FAM136A: variants seen among roughly 807,000 people sequenced by gnomAD.
FAM136A encodes TIM double twin CX3C motif protein.
Under a neutral mutation model 21.6 loss-of-function variants are expected in FAM136A, and 25 were observed. The observed-to-expected ratio is 1.16, with a 90% CI of 0.84 to 1.62. The LOEUF (loss-of-function observed/expected upper bound fraction) is 1.62. FAM136A is among the 40% of genes most tolerant of loss of function. FAM136A has a pLI of 0.00. For synonymous variants in FAM136A, 119 were observed against 129.4 expected (o/e 0.92, Z 0.55); for missense variants, 338 against 332.0 (o/e 1.02, Z -0.14).
At chr2:70,298,256 C>T (rs1697307876) in intron 2 of FAM136A, among the ~76,000 whole-genome samples, 3 of 152,072 alleles carry the variant, frequency 2.0e-5, no homozygotes, top group Admixed American at 2.0e-4. Flanking sequence ...CCATGCCTGG[C>T]TAACTTTTTT....
Position 70,297,413 on chromosome 2 carries a change from C to A in FAM136A, c.614G>T (p.Ser205Ile), listed in dbSNP as rs138779159. 6.2e-7 allele frequency: 1 copy of A among 1,614,026 alleles called. No individual in the cohort carries two copies. The highest frequency in any genetic ancestry group is 8.5e-7 in the Non-Finnish European group (1 of 1,179,908). Residue 205 changes from serine (S) to isoleucine (I), a missense_variant, in exon 3 of 3, where the codon AGT (serine) becomes ATT (isoleucine). Coordinates refer to ENST00000430566, the MANE Select transcript of FAM136A (RefSeq NM_001329752.2). ...CTGCTGCTTCACCTGAAGCTCCTTACTCCCAGCATCTATTGAATCTTTGGC... is the reference window on the plus strand; with the variant it reads ...CTGCTGCTTCACCTGAAGCTCCTTAATCCCAGCATCTATTGAATCTTTGGC... ...DKAKDSIDAG[S>I]KELQVKQQLD...
Position 70,301,594 on chromosome 2 carries a change from G to T in FAM136A, c.408+10C>A. On this transcript the variant is annotated intron_variant, in intron 1 of 2. Transcript: ENST00000430566. ...TTGGCAGCGCCTCTGCTGGGCCTCG[G>T]GCCGCTCACCTGCGGAAGGGGCCGC... is the stretch of plus-strand genomic sequence containing the variant. The T allele has an allele frequency of 6.5e-7, 1 of 1,535,930 alleles. No individual in the cohort carries two copies. The highest frequency in any genetic ancestry group is 1.2e-5 in the South Asian group (1 of 84,062).
chr2:70,297,611 GA>G (rs1377743560), intron 2 of FAM136A, 134 bp from the exon 3 acceptor site: 6 of 489,736 alleles, frequency 1.2e-5, no homozygotes, highest in Non-Finnish European at 2.0e-5. Flanking sequence ...ATGGTAGTGT[GA>G]TTGGCCAAGT....
In FAM136A at chr2:70,301,627, G is replaced by C. The variant is rs566955361; in HGVS notation, c.385C>G (p.Pro129Ala). Residue 129 changes from proline (P) to alanine (A), a missense_variant, in exon 1 of 3, where the codon CCT (proline) becomes GCT (alanine). Pro to Ala is a conservative substitution (Grantham distance 27). Coordinates refer to ENST00000430566, the MANE Select transcript of FAM136A (RefSeq NM_001329752.2). ...WWQALAPPPS[P>A]LTRPLPQGLM... is the part of the protein sequence containing the mutation. ...ACCTGCGGAAGGGGCCGCGTAAGAG[G>C]GGAAGGTGGTGGGGCGAGCGCCTGC... The C allele has an allele frequency of 2.2e-4, 333 of 1,535,912 alleles. No individual in the cohort carries two copies. The African/African-American group carries it at 4.1e-3, about 19-fold the overall frequency.
rs141519377 is a variant in FAM136A, at chr2:70,298,860, A to C, written c.550-1383T>G. 2.6e-5 allele frequency among the ~76,000 whole-genome samples: 4 copies of C among 152,328 alleles called. 1 individual carries two copies. The East Asian group carries it at 7.7e-4, about 29-fold the overall frequency. ...ATAAAGTGCTTTAAGAAGGAGAGGG[A>C]TCCACTGTGTCAATGATGCAGACAG... is the stretch of plus-strand genomic sequence containing the variant. On this transcript the variant is annotated intron_variant, in intron 2 of 2. Transcript: ENST00000430566.
chr2:70,301,248 G>T, intron 1 of FAM136A: 1 of 955,604 alleles, frequency 1.0e-6, no homozygotes, highest in Non-Finnish European at 1.5e-6. Context: ...AGGTTCGCCC[G>T]AGTGGGTGAG....
At chr2:70,301,117 T>A (rs900862806) in intron 1 of FAM136A, 137 bp from the exon 2 acceptor site, 2 of 1,073,610 alleles carry the variant, frequency 1.9e-6, no homozygotes, top group Admixed American at 2.8e-5. Flanking sequence ...TCCCTGAGAA[T>A]AGACACCAGG....
At position 70,302,039 on chromosome 2, in the gene FAM136A, C is replaced by T. The variant is rs892738205; in HGVS notation, c.-28G>A. 4.5e-6 allele frequency: 7 copies of T among 1,549,876 alleles called. No individual in the cohort carries two copies. The highest frequency in any genetic ancestry group is 6.1e-6 in the Non-Finnish European group (7 of 1,154,310). ...CGACCCCGCGCTGCCCCGCGGCGCT[C>T]CGCGCCGGCGCCCATATGGAATCGG... On this transcript the variant is annotated 5_prime_UTR_variant, in exon 1 of 3. Transcript: ENST00000430566.
rs1471928059 is a variant in FAM136A, at chr2:70,297,620, A to ATTT, written c.550-144_550-143insAAA. ...AGGGACATGGTAGTGTGATTGGCCA[A>ATTT]GTTTTTTTTTTTTTTTTTTTTTTTG... On this transcript the variant is annotated intron_variant, in intron 2 of 2. Coordinates refer to ENST00000430566, the MANE Select transcript of FAM136A (RefSeq NM_001329752.2). 7.0e-4 allele frequency: 282 copies of ATTT among 405,410 alleles called. 1 individual carries two copies. The highest frequency in any genetic ancestry group is 4.9e-3 in the African/African-American group (172 of 35,410). 25.1% of individuals were successfully genotyped at this position (405,410 alleles called of 1,614,324 possible).
chr2:70,298,080 T>C (rs1697302230), intron 2 of FAM136A, among the ~76,000 whole-genome samples: 1 of 151,934 alleles, frequency 6.6e-6, no homozygotes, highest in Non-Finnish European at 1.5e-5. Flanking sequence ...TTGTAAGATG[T>C]ACAAACATCT....
chr2:70,297,438 C>T lies in FAM136A; in HGVS notation c.589G>A (p.Ala197Thr). Residue 197 changes from alanine to threonine, a missense_variant, in exon 3 of 3, where the codon GCC becomes ACC. Physicochemically the swap from Ala to Thr is moderately conservative, Grantham distance 58. Transcript: ENST00000430566. ...ARCTMHCNDKAKDSIDAGSKE... is the reference protein window; with the variant it reads ...ARCTMHCNDKTKDSIDAGSKE... The stretch of plus-strand genomic sequence containing the variant: ...CTCCCAGCATCTATTGAATCTTTGG[C>T]TTTGTCGTTGCAATGCATGGTGCAC... The T allele has an allele frequency of 6.2e-7, 1 of 1,613,994 alleles. No homozygotes were observed. The highest frequency in any genetic ancestry group is 8.5e-7 in the Non-Finnish European group (1 of 1,179,918).
At chr2:70,299,252 C>T (rs1697330821) in intron 2 of FAM136A, among the ~76,000 whole-genome samples, 2 of 152,186 alleles carry the variant, frequency 1.3e-5, no homozygotes, top group South Asian at 4.1e-4. Context: ...CTTGCTTCCC[C>T]CAGGTTCCAG....
At chr2:70,300,610 C>A (rs1021690439) in intron 2 of FAM136A, 1 of 375,408 alleles carries the variant, frequency 2.7e-6, no homozygotes, top group Non-Finnish European at 4.9e-6. Flanking sequence ...CAGGCATGAG[C>A]CTCCGCGCTC....
Position 70,302,021 on chromosome 2 carries a change from G to T in FAM136A, c.-10C>A. On this transcript the variant is annotated 5_prime_UTR_variant, in exon 1 of 3. Transcript: ENST00000430566. ...GCTGCAGCTCAGCCATGGCGACCCC[G>T]CGCTGCCCCGCGGCGCTCCGCGCCG... The T allele has an allele frequency of 6.3e-7, 1 of 1,578,418 alleles. No homozygotes were observed. The highest frequency in any genetic ancestry group is 1.1e-5 in the South Asian group (1 of 87,536).
chr2:70,301,790 C>G lies in FAM136A; in HGVS notation c.222G>C (p.Arg74=). Residue 74 remains arginine, a synonymous_variant, in exon 1 of 3, where the codon CGG becomes CGC. Coordinates refer to ENST00000430566, the MANE Select transcript of FAM136A (RefSeq NM_001329752.2). ...TTCCGAAGTCCTGTCCGAGGCCGCC[C>G]CGGCGACCCCAGGGCCGCCCACACC... The part of the protein sequence containing the change: ...QTGCGRPWGR[R]GGLGQDFGSF... The G allele has an allele frequency of 6.5e-7, 1 of 1,547,236 alleles. No homozygotes were observed. The highest frequency in any genetic ancestry group is 8.7e-7 in the Non-Finnish European group (1 of 1,145,844).
chr2:70,301,797 C>T lies in FAM136A; in HGVS notation c.215G>A (p.Gly72Asp). 1.3e-6 allele frequency: 2 copies of T among 1,547,734 alleles called. No homozygotes were observed. The highest frequency in any genetic ancestry group is 1.7e-6 in the Non-Finnish European group (2 of 1,145,728). Residue 72 changes from glycine to aspartate, a missense_variant, in exon 1 of 3, where the codon GGT becomes GAT. Transcript: ENST00000430566. ...GTCCTGTCCGAGGCCGCCCCGGCGACCCCAGGGCCGCCCACACCCGGTCTG... is the reference window on the plus strand; with the variant it reads ...GTCCTGTCCGAGGCCGCCCCGGCGATCCCAGGGCCGCCCACACCCGGTCTG... ...SPQTGCGRPW[G>D]RRGGLGQDFG...
rs1458117423 is a variant in FAM136A at position 70,301,605 on chromosome 2, T to A, written c.407A>T (p.Gln136Leu). 2.0e-5 allele frequency: 31 copies of A among 1,535,844 alleles called. No homozygotes were observed. The highest frequency in any genetic ancestry group is 2.7e-5 in the African/African-American group (2 of 73,046). ...PPSPLTRPLP[Q>L]GLMFRCSASC... is the part of the protein sequence containing the mutation. ...TCTGCTGGGCCTCGGGCCGCTCACC[T>A]GCGGAAGGGGCCGCGTAAGAGGGGA... The change falls in exon 1 of 3, where the codon CAG becomes CTG. Residue 136 changes from glutamine (Q) to leucine (L), a missense_variant and splice_region_variant. Coordinates refer to ENST00000430566, the MANE Select transcript of FAM136A (RefSeq NM_001329752.2).
intron 2 of FAM136A, among the ~76,000 whole-genome samples, chr2:70,297,702 T>C (rs1697293465): frequency 6.7e-6 from 1 of 148,990 alleles, no homozygotes; most frequent in African/African-American, 2.5e-5. Context: ...GGCACAATTA[T>C]GGCTTACTGC....
intron 2 of FAM136A, among the ~76,000 whole-genome samples, chr2:70,299,959 G>A (rs969751850): frequency 1.3e-5 from 2 of 149,208 alleles, no homozygotes; most frequent in African/African-American, 5.0e-5. Context: ...GAGCGCAATG[G>A]CATGCGATCT....
Sources: gnomAD v4.1 joint callset for allele counts (sites outside exome capture counted in the v4.1 genomes callset) on GRCh38, gnomAD v4.1.1 for gene constraint, MANE v1.5 for transcripts, NCBI Gene and HGNC (gene_info 2026-07-23, HGNC 2026-07-21) for gene names.